Variants in CELSR1 observed in about 807,000 individuals in gnomAD.
CELSR1 encodes the protein adhesion G protein-coupled receptor C1.
CELSR1 carries 110 observed loss-of-function variants against 249.1 expected under a neutral mutation model. That is an observed-to-expected ratio of 0.44 (90% confidence interval 0.38 to 0.52). The LOEUF (loss-of-function observed/expected upper bound fraction) is 0.52, where lower values mean the gene tolerates loss of function less well. Ranked by LOEUF, CELSR1 falls within the 20% of genes least tolerant of loss-of-function variation. CELSR1 has a pLI of 0.00. For missense variants in CELSR1, 4,109 were observed against 4,296.4 expected, an observed-to-expected ratio of 0.96 and a Z score of 1.22; for synonymous variants, 2,113 against 1,900.0, an observed-to-expected ratio of 1.11 and a Z score of -2.92.
At position 46,367,123 on chromosome 22, in the gene CELSR1, A is replaced by G. The variant is rs1163633613; in HGVS notation, c.8080-5T>C. On this transcript the variant is annotated splice_polypyrimidine_tract_variant and splice_region_variant and intron_variant, in intron 28 of 34. Transcript: ENST00000674500. ...GAAAAGGAGGACGAAGGGGCCCTGG[A>G]GGGAGGAAGGTGGGGTCAGCACCTG... 1 of 1,609,786 alleles carries G rather than the reference A, an allele frequency of 6.2e-7. No homozygotes were observed. Among genetic ancestry groups the G allele is most frequent in the East Asian group, 2.2e-5 (1 of 44,842 alleles).
Position 46,386,526 on chromosome 22 carries a change from C to G in CELSR1, c.6615G>C (p.Gln2205His). 1 of 1,597,926 alleles carries G rather than the reference C, an allele frequency of 6.3e-7. No individual in the cohort carries two copies. Among genetic ancestry groups the G allele is most frequent in the Non-Finnish European group, 8.5e-7 (1 of 1,173,526 alleles). Residue 2205 changes from glutamine to histidine, a missense_variant, in exon 19 of 35, where the codon CAG (glutamine) becomes CAC (histidine). This residue lies in a region of CELSR1 where 1,805 missense variants were observed against 1,831.6 expected (regional missense o/e 0.99). Transcript: ENST00000674500. ...CCGTGCCGCCCTCGCTCCGCTGGAT[C>G]TGCTCCCACGCCGCCCTGGTGGCTG... ...LAPATRAAWEQIQRSEGGTAQ... is the reference protein window; with the variant it reads ...LAPATRAAWEHIQRSEGGTAQ...
chr22:46,443,157 G>T (rs1461062148), intron 2 of CELSR1, among the ~76,000 whole-genome samples: 6 of 152,112 alleles, frequency 3.9e-5, no homozygotes, highest in Non-Finnish European at 8.8e-5. Flanking sequence ...CCAGATTCCA[G>T]TATGAAGCCC....
intron 1 of CELSR1, among the ~76,000 whole-genome samples, chr22:46,528,821 C>T (rs924484165): frequency 1.3e-5 from 2 of 151,138 alleles, no homozygotes; most frequent in Non-Finnish European, 2.9e-5. Flanking sequence ...CCCAGCTACT[C>T]GGGAGGCTGA....
chr22:46,391,394 C>A lies in CELSR1; in HGVS notation c.6149-107G>T, dbSNP rs1257828008. ...CTCCCTGCAGGAGGCCCTGCTCCCA[C>A]CAAGAACCGAACCCTAGCATCTCCC... On this transcript the variant is annotated intron_variant, in intron 15 of 34. Coordinates refer to ENST00000674500, the MANE Select transcript of CELSR1 (RefSeq NM_001378328.1). The surrounding 1 kb of genome is among the most constrained non-coding windows in gnomAD (Gnocchi z 4.3). 2 of 1,056,454 alleles carry A rather than the reference C, an allele frequency of 1.9e-6. No individual in the cohort carries two copies. The highest frequency in any genetic ancestry group is 2.7e-6 in the Non-Finnish European group (2 of 730,922). 65.4% of individuals were successfully genotyped at this position (1,056,454 alleles called of 1,614,324 possible). A position where few individuals can be genotyped will look rare whatever the true frequency, so the allele number is the denominator to read the frequency against.
At position 46,535,334 on chromosome 22, in the gene CELSR1, C is replaced by T. The variant is rs143033156; in HGVS notation, c.1837G>A (p.Gly613Arg). ...TTCTTAGGCCCAGCGCTGCCGCCCC[C>T]CAGAAAGGTGGAGGCCGTGTCCACC... ...RLVDTASTFL[G>R]GGSAGPKNPA... Residue 613 changes from glycine (G) to arginine (R), a missense_variant, in exon 1 of 35, where the codon GGG (glycine) becomes AGG (arginine). By Grantham distance (125) the Gly-to-Arg change is moderately radical. This residue lies in a region of CELSR1 where 886 missense variants were observed against 896.5 expected (regional missense o/e 0.99). Coordinates refer to ENST00000674500, the MANE Select transcript of CELSR1 (RefSeq NM_001378328.1). 98 of 1,612,356 alleles carry T rather than the reference C, an allele frequency of 6.1e-5. No individual in the cohort carries two copies. In the African/African-American group the frequency reaches 9.2e-4, roughly 15 times the overall value.
At chr22:46,497,538 A>T (rs766751751) in intron 1 of CELSR1, among the ~76,000 whole-genome samples, 1 of 152,164 alleles carries the variant, frequency 6.6e-6, no homozygotes, top group Non-Finnish European at 1.5e-5. Flanking sequence ...GTCTTCACAC[A>T]TTCTCTGTGC....
chr22:46,450,040 C>G (rs2079865851), intron 2 of CELSR1, among the ~76,000 whole-genome samples: 1 of 152,190 alleles, frequency 6.6e-6, no homozygotes. Flanking sequence ...GAGCCCCAGC[C>G]CTTTCCTGTT....
At chr22:46,456,705 C>CTCACAGCT (rs1231766876) in intron 2 of CELSR1, among the ~76,000 whole-genome samples, 118 of 145,394 alleles carry the variant, frequency 8.1e-4, no homozygotes, top group African/African-American at 2.9e-3. Flanking sequence ...CAAAATAAAA[C>CTCACAGCT]TCACAGCTGG....
At chr22:46,400,531 G>A (rs1385215343) in intron 9 of CELSR1, among the ~76,000 whole-genome samples, 10 of 152,092 alleles carry the variant, frequency 6.6e-5, no homozygotes, top group African/African-American at 2.4e-4. Context: ...CGGCTACTCC[G>A]CAGGCTAAGG....
chr22:46,415,622 A>T (rs972943559), intron 5 of CELSR1, among the ~76,000 whole-genome samples: 3 of 150,146 alleles, frequency 2.0e-5, no homozygotes, highest in Non-Finnish European at 4.4e-5. Context: ...AATAAGGAAA[A>T]AATTAAAAAA....
chr22:46,370,968 G>C (rs2078844952), intron 25 of CELSR1, among the ~76,000 whole-genome samples: 1 of 152,240 alleles, frequency 6.6e-6, no homozygotes, highest in Admixed American at 6.5e-5. Context: ...AGGCATCGCA[G>C]AGACCTGCTC....
rs2079173037 is a variant in CELSR1 at position 46,398,296 on chromosome 22, CGGTGGGG to C, written c.5526+221_5526+227del. Among the ~76,000 whole-genome samples, 2 of 151,868 alleles carry C rather than the reference CGGTGGGG, an allele frequency of 1.3e-5. No individual in the cohort carries two copies. Among genetic ancestry groups the C allele is most frequent in the Admixed American group, 1.3e-4 (2 of 15,258 alleles). On this transcript the variant is annotated intron_variant, in intron 11 of 34. Transcript: ENST00000674500. The surrounding 1 kb of genome is among the most constrained non-coding windows in gnomAD (Gnocchi z 7.2). ...GCAGAGGGGCAGGTGGCTGGCATGG[CGGTGGGG>C]AGCTGTGGGGGCCAGGGACGGCCCG...
At position 46,363,159 on chromosome 22, in the gene CELSR1, G is replaced by T. The variant is rs773612246; in HGVS notation, c.*64C>A. The T allele has an allele frequency of 2.5e-6, 4 of 1,613,748 alleles. No individual in the cohort carries two copies. In the South Asian group the frequency reaches 4.4e-5, roughly 18 times the overall value. ...GTCTGAGGGTGATGCCGCAGCCTGT[G>T]TGGGGTGACGGGCTTGCCTCACGGT... On this transcript the variant is annotated 3_prime_UTR_variant, in exon 35 of 35. Transcript: ENST00000674500. This position sits in a 1 kb window ranked among gnomAD's most constrained non-coding sequence, Gnocchi z 4.3.
At position 46,471,475 on chromosome 22, in the gene CELSR1, G is replaced by A. The variant is rs2080154770; in HGVS notation, c.3545-7130C>T. ...TGTGATTACTGCAGCCTTGAGCTTT[G>A]AGCTCCTGGGCTCAAGTGATCCTCC... On this transcript the variant is annotated intron_variant, in intron 1 of 34. Transcript: ENST00000674500. This position sits in a 1 kb window ranked among gnomAD's most constrained non-coding sequence, Gnocchi z 4.9. 6.6e-6 allele frequency among the ~76,000 whole-genome samples: 1 copy of A among 151,982 alleles called. No homozygotes were observed. Among genetic ancestry groups the A allele is most frequent in the Admixed American group, 6.6e-5 (1 of 15,232 alleles).
At position 46,433,905 on chromosome 22, in the gene CELSR1, G is replaced by A. The variant is rs368364376; in HGVS notation, c.4523-424C>T. 5.9e-5 allele frequency among the ~76,000 whole-genome samples: 9 copies of A among 152,086 alleles called. No homozygotes were observed. Among genetic ancestry groups the A allele is most frequent in the East Asian group, 1.9e-4 (1 of 5,184 alleles). On this transcript the variant is annotated intron_variant, in intron 4 of 34. Transcript: ENST00000674500. This position sits in a 1 kb window ranked among gnomAD's most constrained non-coding sequence, Gnocchi z 5.7. ...TCACCATGTTGGCTAGTCTAGTCTC[G>A]AACTCCTGACCTCGTGATCTGCCTG... is the stretch of plus-strand genomic sequence containing the variant.
At chr22:46,394,911 G>A (rs893372909) in intron 13 of CELSR1, among the ~76,000 whole-genome samples, 18 of 152,182 alleles carry the variant, frequency 1.2e-4, no homozygotes, top group African/African-American at 3.4e-4. Context: ...GGTGCTGGCC[G>A]CTGCTGTGCA....
At position 46,407,327 on chromosome 22, in the gene CELSR1, G is replaced by GCACA. The variant is rs370743154; in HGVS notation, c.5226+1665_5226+1668dup. Reference sequence around the variant, plus strand: ...CACACACACTTGCACGGAGATATGCGCACACACACACACAAACTTGGAGAA... The same window carrying GCACA: ...CACACACACTTGCACGGAGATATGCGCACACACACACACACACAAACTTGGAGAA... On this transcript the variant is annotated intron_variant, in intron 9 of 34. Coordinates refer to ENST00000674500, the MANE Select transcript of CELSR1 (RefSeq NM_001378328.1). The surrounding 1 kb of genome is among the most constrained non-coding windows in gnomAD (Gnocchi z 4.8). Among the ~76,000 whole-genome samples, 3 of 151,890 alleles carry GCACA rather than the reference G, an allele frequency of 2.0e-5. No homozygotes were observed. Among genetic ancestry groups the GCACA allele is most frequent in the African/African-American group, 7.3e-5 (3 of 41,328 alleles).
At chr22:46,377,330 CAG>C (rs1053323117) in intron 23 of CELSR1, 69 bp from the exon 24 acceptor site, 3 of 1,496,358 alleles carry the variant, frequency 2.0e-6, no homozygotes, top group African/African-American at 2.8e-5. Context: ...CATTGCATAA[CAG>C]AGATAAATTA....
rs1296273426 is a variant in CELSR1 at position 46,437,632 on chromosome 22, T to C, written c.4407-1343A>G. ...CGGGCATGGTGGTGGGCACCTGTAA[T>C]CCCAGCTACTCAAGAGGTTGAGGCA... On this transcript the variant is annotated intron_variant, in intron 3 of 34. Transcript: ENST00000674500. The surrounding 1 kb of genome is among the most constrained non-coding windows in gnomAD (Gnocchi z 4.9). Among the ~76,000 whole-genome samples, 2 of 151,588 alleles carry C rather than the reference T, an allele frequency of 1.3e-5. No individual in the cohort carries two copies. Among genetic ancestry groups the C allele is most frequent in the African/African-American group, 4.9e-5 (2 of 41,166 alleles).
Sources: allele counts gnomAD v4.1 joint callset (sites outside exome capture counted in the v4.1 genomes callset), GRCh38; gene constraint gnomAD v4.1.1; regional missense constraint gnomAD v4.1.1; non-coding constraint Gnocchi (gnomAD v3.1); transcripts MANE v1.5; gene names NCBI Gene and HGNC (gene_info 2026-07-23, HGNC 2026-07-21).